The following NTRK2 variants were observed in gnomAD, a reference collection of about 807,000 sequenced individuals.
NTRK2 encodes the protein neurotrophic receptor tyrosine kinase 2.
A neutral mutation model predicts 94.5 loss-of-function variants in NTRK2; 13 were observed. That is an observed-to-expected ratio of 0.14 (90% CI 0.09 to 0.22). The LOEUF (loss-of-function observed/expected upper bound fraction) is 0.22, where lower values mean the gene tolerates loss of function less well. NTRK2 is among the 10% of genes least tolerant of loss of function. The pLI, the probability that NTRK2 is intolerant of heterozygous loss-of-function variation, is 1.00. For synonymous variants in NTRK2, 372 were observed against 407.4 expected (o/e 0.91, Z 1.05); for missense variants, 639 against 1,071.2 (o/e 0.60, Z 5.63).
In NTRK2 at chr9:84,745,001, G is replaced by A. The variant is rs189225552; in HGVS notation, c.1224G>A (p.Gly408=). 6.2e-7 allele frequency: 1 copy of A among 1,613,372 alleles called. No individual in the cohort carries two copies. The highest frequency in any genetic ancestry group is 8.5e-7 in the Non-Finnish European group (1 of 1,179,904). The change falls in exon 11 of 19, where the codon GGG becomes GGA. Residue 408 remains glycine (G), a synonymous_variant. Coordinates refer to ENST00000277120, the MANE Select transcript of NTRK2 (RefSeq NM_006180.6). The part of the protein sequence containing the change: ...EDYGTAANDI[G]DTTNRSNEIP... ...ATGGAACTGCAGCGAATGACATCGG[G>A]GACACCACGAACAGAAGTAATGAAA...
chr9:84,791,865 G>A (rs113547205), intron 12 of NTRK2, among the ~76,000 whole-genome samples: 2,313 of 152,110 alleles, frequency 0.015, 47 homozygotes, highest in East Asian at 0.044. Context: ...TTTAACAGAC[G>A]AGGCCACTGG....
intron 12 of NTRK2, among the ~76,000 whole-genome samples, chr9:84,793,672 A>G (rs764808036): frequency 5.3e-5 from 8 of 152,226 alleles, no homozygotes; most frequent in Non-Finnish European, 1.2e-4. Flanking sequence ...CACTATGCAG[A>G]CTGAGCTATT....
chr9:84,729,113 C>G (rs561297547), intron 9 of NTRK2, among the ~76,000 whole-genome samples: 16 of 152,306 alleles, frequency 1.1e-4, no homozygotes, highest in African/African-American at 3.4e-4. Flanking sequence ...AGGGCCCCCC[C>G]ACCAGCAAAG....
At chr9:84,718,176 A>G (rs752785844) in intron 6 of NTRK2, among the ~76,000 whole-genome samples, 11 of 152,240 alleles carry the variant, frequency 7.2e-5, no homozygotes, top group Non-Finnish European at 1.5e-4. Flanking sequence ...ACTCAGGTCC[A>G]TATCAGATTT....
At chr9:84,669,565 G>C (rs2058565790), upstream of NTRK2, 1 of 153,280 alleles carries the variant, frequency 6.5e-6, no homozygotes. The surrounding 1 kb of genome is among the most constrained non-coding windows in gnomAD (Gnocchi z 4.1). Context: ...CAGTGGCACC[G>C]ATGCCTCCCT....
At chr9:84,896,085 T>C (rs2076750155) in intron 14 of NTRK2, among the ~76,000 whole-genome samples, 1 of 152,226 alleles carries the variant, frequency 6.6e-6, no homozygotes, top group Non-Finnish European at 1.5e-5. Context: ...CTCTGTGAAA[T>C]GAACCTAGGT....
At chr9:84,927,471 T>C (rs943576417) in intron 14 of NTRK2, among the ~76,000 whole-genome samples, 3 of 152,186 alleles carry the variant, frequency 2.0e-5, no homozygotes, top group African/African-American at 7.2e-5. Context: ...TCTCTTTTTC[T>C]AGGCCCTAGA....
chr9:84,970,447 G>A (rs1449095736), intron 17 of NTRK2, among the ~76,000 whole-genome samples: 5 of 152,134 alleles, frequency 3.3e-5, no homozygotes, highest in African/African-American at 1.2e-4. Flanking sequence ...TTAAAGAGAT[G>A]TGGTAAGGAT....
chr9:84,751,909 C>T (rs1834452407), intron 11 of NTRK2, 77 bp from the exon 12 acceptor site: 10 of 1,101,658 alleles, frequency 9.1e-6, no homozygotes, highest in Middle Eastern at 3.9e-4. Flanking sequence ...TCATTATCAT[C>T]GTCATGATCA....
intron 2 of NTRK2, among the ~76,000 whole-genome samples, chr9:84,681,025 A>G (rs2059358759): frequency 1.3e-5 from 2 of 152,084 alleles, no homozygotes; most frequent in South Asian, 4.1e-4. Context: ...ACAGACCTTA[A>G]AAGTTTATGT....
intron 12 of NTRK2, among the ~76,000 whole-genome samples, chr9:84,803,803 C>T (rs559141260): frequency 2.8e-4 from 43 of 152,278 alleles, no homozygotes; most frequent in African/African-American, 9.6e-4. Context: ...ATGTATGTTT[C>T]GCATTCCGGA....
intron 12 of NTRK2, among the ~76,000 whole-genome samples, chr9:84,838,482 C>T (rs1383803702): frequency 1.3e-5 from 2 of 151,890 alleles, no homozygotes; most frequent in African/African-American, 4.8e-5. Flanking sequence ...CATTATGATC[C>T]CAAACTTATT....
intron 17 of NTRK2, among the ~76,000 whole-genome samples, chr9:85,010,060 T>G (rs77578509): frequency 0.033 from 5,084 of 152,334 alleles, 138 homozygotes; most frequent in Non-Finnish European, 0.048. Flanking sequence ...CTCTACTTGC[T>G]GGACAGGATG....
intron 14 of NTRK2, among the ~76,000 whole-genome samples, chr9:84,915,115 C>T (rs550132290): frequency 6.6e-6 from 1 of 152,114 alleles, no homozygotes; most frequent in African/African-American, 2.4e-5. Context: ...ATGCCGCTGC[C>T]GATCTAACAG....
chr9:84,681,545 G>C (rs371823045), intron 2 of NTRK2, among the ~76,000 whole-genome samples: 4 of 152,104 alleles, frequency 2.6e-5, no homozygotes, highest in African/African-American at 7.2e-5. Flanking sequence ...TCTTCTTACC[G>C]GGCTTGCAGT....
At chr9:84,738,541 A>T (rs1265950819) in intron 9 of NTRK2, among the ~76,000 whole-genome samples, 1 of 152,240 alleles carries the variant, frequency 6.6e-6, no homozygotes. Flanking sequence ...AAATGATGTT[A>T]ATAATTACCT....
intron 12 of NTRK2, among the ~76,000 whole-genome samples, chr9:84,843,817 A>G (rs1008666462): frequency 3.3e-5 from 5 of 152,242 alleles, no homozygotes; most frequent in Non-Finnish European, 7.3e-5. Flanking sequence ...GTTATAATCC[A>G]TGGCTATCAA....
intron 10 of NTRK2, 30 bp downstream of exon 10, chr9:84,741,957 C>CT (rs1263470710): frequency 1.3e-6 from 2 of 1,581,008 alleles, no homozygotes; most frequent in Non-Finnish European, 1.7e-6. Context: ...CTTTGTATTT[C>CT]TTTTTCAAAA....
At position 84,974,644 on chromosome 9, in the gene NTRK2, GC is replaced by G. The variant is rs1281552814; in HGVS notation, c.2172+19128del. 2.0e-5 allele frequency among the ~76,000 whole-genome samples: 3 copies of G among 152,300 alleles called. No homozygotes were observed. The East Asian group carries it at 5.8e-4, about 29-fold the overall frequency. On this transcript the variant is annotated intron_variant, in intron 17 of 18. Coordinates refer to ENST00000277120, the MANE Select transcript of NTRK2 (RefSeq NM_006180.6). ...GGAGACTGAGCAGCATGGAGAATGG[GC>G]TGTTCTCCAGTTTGAAATAGTGATT... is the stretch of plus-strand genomic sequence containing the variant.
Sources: gnomAD v4.1 joint callset for allele counts (sites outside exome capture counted in the v4.1 genomes callset) on GRCh38, gnomAD v4.1.1 for gene constraint, Gnocchi (gnomAD v3.1) non-coding constraint, MANE v1.5 for transcripts, NCBI Gene and HGNC (gene_info 2026-07-23, HGNC 2026-07-21) for gene names.